The following ECPAS variants were observed in gnomAD, a reference collection of about 807,000 sequenced individuals.
ECPAS encodes Ecm29 proteasome adaptor and scaffold.
Under a neutral mutation model 255.1 loss-of-function variants are expected in ECPAS, and 70 were observed. That is an observed-to-expected ratio of 0.27 (90% CI 0.23 to 0.33). ECPAS has a LOEUF of 0.33. ECPAS is among the 10% of genes least tolerant of loss of function. ECPAS has a pLI of 1.00. For synonymous variants in ECPAS, 784 were observed against 775.0 expected (o/e 1.01, Z -0.19); for missense variants, 1,817 against 2,206.4 (o/e 0.82, Z 3.54).
At chr9:111,411,834 G>GT (rs2098194988) in intron 21 of ECPAS, 180 bp downstream of exon 21, 1 of 518,576 alleles carries the variant, frequency 1.9e-6, no homozygotes, top group African/African-American at 2.0e-5. Context: ...CACAGCACCC[G>GT]TATCTGTTAA....
intron 36 of ECPAS, among the ~76,000 whole-genome samples, chr9:111,378,085 G>A (rs1471690583): frequency 6.6e-6 from 1 of 152,090 alleles, no homozygotes; most frequent in Non-Finnish European, 1.5e-5. Context: ...GGCAGAGGTT[G>A]CAGTGAGCCG....
intron 2 of ECPAS, among the ~76,000 whole-genome samples, chr9:111,465,791 TG>T (rs1564564659): frequency 6.6e-6 from 1 of 151,922 alleles, no homozygotes; most frequent in Non-Finnish European, 1.5e-5. Context: ...CCCAGCACTC[TG>T]GGAAGCTAAG....
Position 111,370,490 on chromosome 9 carries a change from G to A in ECPAS, c.4919C>T (p.Thr1640Ile). The A allele has an allele frequency of 6.2e-7, 1 of 1,611,200 alleles. No individual in the cohort carries two copies. Among genetic ancestry groups the A allele is most frequent in the Non-Finnish European group, 8.5e-7 (1 of 1,178,698 alleles). The stretch of plus-strand genomic sequence containing the variant: ...GAACTCCTGGAATCTGTCCTCTTTG[G>A]TGGCCTTCAAGATATCAGCTGCACA... Reference protein sequence around the residue: ...ISCAADILKATKEDRFQEFSN... With the variant: ...ISCAADILKAIKEDRFQEFSN... The change falls in exon 45 of 50, where the codon ACC becomes ATC. Residue 1640 changes from threonine to isoleucine, a missense_variant. Physicochemically the swap from Thr to Ile is moderately conservative, Grantham distance 89. Transcript: ENST00000684092.
chr9:111,480,606 A>G (rs2098303362), intron 1 of ECPAS, among the ~76,000 whole-genome samples: 1 of 152,142 alleles, frequency 6.6e-6, no homozygotes, highest in Non-Finnish European at 1.5e-5. Context: ...CCAAAAGCAC[A>G]TTTTATCAGC....
At position 111,430,412 on chromosome 9, in the gene ECPAS, A is replaced by T. The variant is rs1173714737; in HGVS notation, c.930+135T>A. 3.5e-5 allele frequency: 23 copies of T among 665,028 alleles called. No individual in the cohort carries two copies. In the East Asian group the frequency reaches 6.4e-4, roughly 19 times the overall value. The allele number at this position is 665,028 out of a possible 1,614,324, so 41.2% of individuals were successfully genotyped here. A position where few individuals can be genotyped will look rare whatever the true frequency, so the allele number is the denominator to read the frequency against. Reference sequence around the variant, plus strand: ...TACCAGGTTTTAATTCATCTAAACTAGCATGACTTAAAACTAGCATTTTGT... The same window carrying T: ...TACCAGGTTTTAATTCATCTAAACTTGCATGACTTAAAACTAGCATTTTGT... On this transcript the variant is annotated intron_variant, in intron 9 of 49. Transcript: ENST00000684092.
At chr9:111,482,623 T>C (rs1406256875) in intron 1 of ECPAS, among the ~76,000 whole-genome samples, 2 of 151,994 alleles carry the variant, frequency 1.3e-5, no homozygotes, top group Non-Finnish European at 2.9e-5. Flanking sequence ...TTCTTGTTTT[T>C]GCCATAAACT....
intron 34 of ECPAS, among the ~76,000 whole-genome samples, chr9:111,383,553 T>C (rs2131574105): frequency 6.6e-6 from 1 of 152,296 alleles, no homozygotes; most frequent in South Asian, 2.1e-4. Flanking sequence ...CTCTAAGCAC[T>C]GGTCCTCCAA....
Position 111,408,573 on chromosome 9 carries a change from C to G in ECPAS, c.2650G>C (p.Glu884Gln). The change falls in exon 24 of 50, where the codon GAG becomes CAG. Residue 884 changes from glutamate to glutamine, a missense_variant and splice_region_variant. By Grantham distance (29) the Glu-to-Gln change is conservative. This residue lies in a region of ECPAS where 960 missense variants were observed against 1,179.0 expected (regional missense o/e 0.81). Coordinates refer to ENST00000684092, the MANE Select transcript of ECPAS (RefSeq NM_001364929.1). ...LLLQGLMDSVEAKQIELQFTI... is the reference protein window; with the variant it reads ...LLLQGLMDSVQAKQIELQFTI... ...CAATCAGGTAGCAATATAAATACCT[C>G]CACAGAATCCATCAGACCTTGCAAG... The G allele has an allele frequency of 3.2e-6, 5 of 1,550,134 alleles. No individual in the cohort carries two copies. Among genetic ancestry groups the G allele is most frequent in the Non-Finnish European group, 4.3e-6 (5 of 1,149,536 alleles).
chr9:111,424,009 C>G (rs2098217999), intron 12 of ECPAS, among the ~76,000 whole-genome samples: 1 of 152,188 alleles, frequency 6.6e-6, no homozygotes, highest in African/African-American at 2.4e-5. Flanking sequence ...TGTGGTTTGT[C>G]TGGCCTCTCT....
chr9:111,371,222 A>G (rs933412337), intron 43 of ECPAS, among the ~76,000 whole-genome samples: 3 of 152,182 alleles, frequency 2.0e-5, no homozygotes, highest in African/African-American at 7.2e-5. Context: ...GGTCCCAGAG[A>G]TGGGCATCTT....
intron 3 of ECPAS, among the ~76,000 whole-genome samples, 175 bp downstream of exon 3, chr9:111,451,250 G>A (rs2098259930): frequency 6.6e-6 from 1 of 152,080 alleles, no homozygotes; most frequent in African/African-American, 2.4e-5. Flanking sequence ...GCTGTGCTAA[G>A]GATACAAGAG....
chr9:111,462,927 A>T (rs114868442), intron 2 of ECPAS, among the ~76,000 whole-genome samples: 12,176 of 151,982 alleles, frequency 0.08, 568 homozygotes, highest in East Asian at 0.21. Context: ...TTTTTTGTAG[A>T]GATGCAGTTT....
chr9:111,404,341 T>C (rs1589151167), intron 24 of ECPAS, among the ~76,000 whole-genome samples: 1 of 149,828 alleles, frequency 6.7e-6, no homozygotes, highest in Non-Finnish European at 1.5e-5. Context: ...CTTTAAAAGA[T>C]AAACAAAAAA....
chr9:111,390,890 T>C (rs1446457008), intron 29 of ECPAS, among the ~76,000 whole-genome samples: 6 of 152,220 alleles, frequency 3.9e-5, no homozygotes, highest in Admixed American at 3.9e-4. Context: ...CTAGCGGCAG[T>C]GGGTGCACCT....
chr9:111,433,177 T>C (rs2098232616), intron 8 of ECPAS, 56 bp downstream of exon 8: 1 of 1,571,564 alleles, frequency 6.4e-7, no homozygotes, highest in Admixed American at 1.8e-5. Context: ...ATGTGTCAAG[T>C]AAGTTTTTAG....
chr9:111,382,972 G>A (rs1007240599), intron 35 of ECPAS, among the ~76,000 whole-genome samples: 1 of 152,228 alleles, frequency 6.6e-6, no homozygotes, highest in South Asian at 2.1e-4. Flanking sequence ...AGACGTGCTT[G>A]TTGGGAGCAG....
At position 111,378,562 on chromosome 9, in the gene ECPAS, C is replaced by T. The variant is rs368323679; in HGVS notation, c.3954+18G>A. On this transcript the variant is annotated intron_variant, in intron 36 of 49. Coordinates refer to ENST00000684092, the MANE Select transcript of ECPAS (RefSeq NM_001364929.1). ...TTCCCTCATGATACTTACCAATATGCCTGCGCTATCCACTCACCTTTTCTT... is the reference window on the plus strand; with the variant it reads ...TTCCCTCATGATACTTACCAATATGTCTGCGCTATCCACTCACCTTTTCTT... The T allele has an allele frequency of 1.2e-5, 19 of 1,607,818 alleles. No homozygotes were observed. In the African/African-American group the frequency reaches 1.7e-4, roughly 15 times the overall value.
In ECPAS at chr9:111,375,093, C is replaced by A. The variant is rs1215639172; in HGVS notation, c.4110+20G>T. On this transcript the variant is annotated intron_variant, in intron 38 of 49. Transcript: ENST00000684092. ...GAACTAATGAAGATGCACATTTCCT[C>A]TTGTGGAAAGTACACTTACCTTAGT... 2.5e-6 allele frequency: 4 copies of A among 1,571,618 alleles called. No individual in the cohort carries two copies. The highest frequency in any genetic ancestry group is 3.5e-6 in the Non-Finnish European group (4 of 1,141,292).
chr9:111,478,191 G>A lies in ECPAS; in HGVS notation c.-82-5191C>T, dbSNP rs7871747. On this transcript the variant is annotated intron_variant, in intron 1 of 49. Transcript: ENST00000684092. ...GCTGGGATTACAAACTTGAGTCACC[G>A]CACCCAGCCTTCTGGCAACTTCATG... Among the ~76,000 whole-genome samples the A allele has an allele frequency of 4.9e-3, 749 of 151,452 alleles. 2 individuals are homozygous for A. The highest frequency in any genetic ancestry group is 0.016 in the African/African-American group (667 of 41,300).
Sources: allele counts gnomAD v4.1 joint callset (sites outside exome capture counted in the v4.1 genomes callset), GRCh38; gene constraint gnomAD v4.1.1; regional missense constraint gnomAD v4.1.1; transcripts MANE v1.5; gene names NCBI Gene and HGNC (gene_info 2026-07-23, HGNC 2026-07-21).